The following PPP2R3A variants were observed in gnomAD, a reference collection of about 807,000 sequenced individuals.
PPP2R3A encodes serine/threonine-protein phosphatase 2A regulatory subunit B'' subunit alpha.
Under a neutral mutation model 106.9 loss-of-function variants are expected in PPP2R3A, and 80 were observed. The observed-to-expected ratio is 0.75, with a 90% CI of 0.62 to 0.90. The LOEUF (loss-of-function observed/expected upper bound fraction) is 0.90, where lower values mean the gene tolerates loss of function less well. PPP2R3A is among the 40% of genes least tolerant of loss of function. PPP2R3A has a pLI of 0.00. For missense variants in PPP2R3A, 1,386 were observed against 1,350.4 expected (o/e 1.03, Z -0.41); for synonymous variants, 483 against 468.3 (o/e 1.03, Z -0.41).
intron 2 of PPP2R3A, among the ~76,000 whole-genome samples, chr3:136,016,340 C>G (rs1423571230): frequency 3.9e-5 from 6 of 151,990 alleles, no homozygotes; most frequent in Admixed American, 3.9e-4. Context: ...TCCATTTGTT[C>G]TAGGGTATAG....
chr3:136,023,212 T>G (rs760057889), intron 2 of PPP2R3A: 1 of 1,341,878 alleles, frequency 7.5e-7, no homozygotes, highest in Non-Finnish European at 1.0e-6. Context: ...GTTTGAAATT[T>G]GGGTGTTTTG....
At chr3:136,045,917 C>T (rs755014257) in intron 4 of PPP2R3A, among the ~76,000 whole-genome samples, 1 of 152,202 alleles carries the variant, frequency 6.6e-6, no homozygotes, top group Non-Finnish European at 1.5e-5. Flanking sequence ...GGCACAGTGA[C>T]TCATACCTGT....
At chr3:136,145,000 T>G in intron 13 of PPP2R3A, 43 bp from the exon 14 acceptor site, 1 of 1,589,774 alleles carries the variant, frequency 6.3e-7, no homozygotes, top group Non-Finnish European at 8.6e-7. Flanking sequence ...ACCCAAACTT[T>G]AATCAATCAA....
At chr3:136,082,167 T>A (rs1347787297) in intron 7 of PPP2R3A, 98 bp from the exon 8 acceptor site, 6 of 1,081,830 alleles carry the variant, frequency 5.5e-6, no homozygotes, top group African/African-American at 3.2e-5. Flanking sequence ...CAGAAAAAAA[T>A]TTTAAATTCA....
intron 13 of PPP2R3A, among the ~76,000 whole-genome samples, chr3:136,141,249 TGAAAA>T (rs1268027022): frequency 6.6e-6 from 1 of 152,170 alleles, no homozygotes; most frequent in Non-Finnish European, 1.5e-5. Flanking sequence ...CCTAAAAGGT[TGAAAA>T]GAAAAAACAG....
intron 2 of PPP2R3A, among the ~76,000 whole-genome samples, chr3:136,026,322 G>A (rs985130830): frequency 2.0e-5 from 3 of 152,078 alleles, no homozygotes; most frequent in African/African-American, 4.8e-5. Context: ...CAGCATCAAG[G>A]GCTGGCAGTG....
intron 5 of PPP2R3A, among the ~76,000 whole-genome samples, chr3:136,054,194 T>C (rs1935778383): frequency 6.7e-6 from 1 of 150,332 alleles, no homozygotes; most frequent in African/African-American, 2.4e-5. Context: ...CACATACACA[T>C]ACACCTATAA....
chr3:136,078,401 C>G lies in PPP2R3A; in HGVS notation c.2579C>G (p.Ser860Cys), dbSNP rs758340433. The G allele has an allele frequency of 1.2e-6, 2 of 1,610,566 alleles. No individual in the cohort carries two copies. ...IQRIFYTVNR[S>C]WSGKITSTEI... ...AGAATATTCTACACAGTCAACAGAT[C>G]TTGGAGTGGAAAAATTACTTCGACA... is the stretch of plus-strand genomic sequence containing the variant. The change falls in exon 7 of 14, where the codon TCT becomes TGT. Residue 860 changes from serine (S) to cysteine (C), a missense_variant. Physicochemically the swap from Ser to Cys is moderately radical, Grantham distance 112. Coordinates refer to ENST00000264977, the MANE Select transcript of PPP2R3A (RefSeq NM_002718.5).
chr3:136,056,145 C>T (rs1256408407), intron 5 of PPP2R3A, among the ~76,000 whole-genome samples: 1 of 152,162 alleles, frequency 6.6e-6, no homozygotes, highest in Admixed American at 6.5e-5. Flanking sequence ...AAATATCCTA[C>T]ATAATACCTG....
intron 1 of PPP2R3A, among the ~76,000 whole-genome samples, chr3:135,984,185 G>T (rs772059122): frequency 1.6e-4 from 25 of 151,822 alleles, no homozygotes; most frequent in Admixed American, 5.3e-4. Context: ...TTCCCTAGAA[G>T]TTGAGAAATC....
intron 13 of PPP2R3A, among the ~76,000 whole-genome samples, chr3:136,110,172 G>A (rs1937572561): frequency 6.6e-6 from 1 of 152,154 alleles, no homozygotes; most frequent in South Asian, 2.1e-4. Context: ...CAGCCAGTGA[G>A]AACAGAAGCA....
At chr3:136,036,208 C>A (rs1393779208) in intron 3 of PPP2R3A, among the ~76,000 whole-genome samples, 2 of 152,034 alleles carry the variant, frequency 1.3e-5, no homozygotes, top group Non-Finnish European at 2.9e-5. Flanking sequence ...CTTCTGAATT[C>A]TTTTTCAGGT....
At chr3:136,033,833 T>C (rs1934991001) in intron 3 of PPP2R3A, among the ~76,000 whole-genome samples, 1 of 152,062 alleles carries the variant, frequency 6.6e-6, no homozygotes, top group African/African-American at 2.4e-5. Context: ...TTCAAAGAAC[T>C]AGCTTTTTGT....
At chr3:136,023,436 C>CA (rs1281568843) in intron 2 of PPP2R3A, among the ~76,000 whole-genome samples, 1 of 152,038 alleles carries the variant, frequency 6.6e-6, no homozygotes, top group Admixed American at 6.6e-5. Context: ...GTACAGTACT[C>CA]ACATTTTTCT....
chr3:136,107,276 C>CATATG (rs113089129), intron 13 of PPP2R3A, among the ~76,000 whole-genome samples: 6,735 of 152,032 alleles, frequency 0.044, 509 homozygotes, highest in African/African-American at 0.15. Flanking sequence ...AGGCACTATT[C>CATATG]ATATAATATT....
At chr3:136,090,692 C>A in intron 10 of PPP2R3A, 25 bp downstream of exon 10, 2 of 1,579,784 alleles carry the variant, frequency 1.3e-6, no homozygotes, top group South Asian at 2.2e-5. Context: ...TTTCCTTTGC[C>A]AAGATGTTAA....
At chr3:135,983,086 T>C (rs920609692) in intron 1 of PPP2R3A, among the ~76,000 whole-genome samples, 2 of 152,088 alleles carry the variant, frequency 1.3e-5, no homozygotes, top group Admixed American at 1.3e-4. Context: ...GGTCAAGAAA[T>C]AGGATTCCAA....
At chr3:136,009,283 T>G (rs1044261941) in intron 2 of PPP2R3A, among the ~76,000 whole-genome samples, 3 of 152,094 alleles carry the variant, frequency 2.0e-5, no homozygotes, top group Non-Finnish European at 4.4e-5. Context: ...CTCTAGACTA[T>G]TCTCCTGGCT....
At chr3:135,969,084 C>CA (rs1937169282) in intron 1 of PPP2R3A, among the ~76,000 whole-genome samples, 1 of 151,994 alleles carries the variant, frequency 6.6e-6, no homozygotes, top group Admixed American at 6.5e-5. Flanking sequence ...GAAATAAACA[C>CA]ACAAACACAT....
Sources: gnomAD v4.1 joint callset for allele counts (sites outside exome capture counted in the v4.1 genomes callset) on GRCh38, gnomAD v4.1.1 for gene constraint, MANE v1.5 for transcripts, NCBI Gene and HGNC (gene_info 2026-07-23, HGNC 2026-07-21) for gene names.